Variants in CACNA2D1 observed in about 807,000 individuals in gnomAD.
CACNA2D1 encodes voltage-dependent calcium channel subunit alpha-2/delta-1.
Under a neutral mutation model 171.5 loss-of-function variants are expected in CACNA2D1, and 53 were observed. The ratio of observed to expected loss-of-function variants is 0.31; its 90% CI spans 0.25 to 0.39. The LOEUF is 0.39. Ranked by LOEUF, CACNA2D1 falls within the 10% of genes least tolerant of loss-of-function variation. The probability of loss-of-function intolerance (pLI) is 1.00; values close to 1 mark genes in which losing one functional copy is unlikely to be tolerated. For missense variants in CACNA2D1, 903 were observed against 1,299.8 expected, an observed-to-expected ratio of 0.69 and a Z score of 4.69; for synonymous variants, 442 against 443.1, an observed-to-expected ratio of 1.00 and a Z score of 0.03.
intron 15 of CACNA2D1, 38 bp downstream of exon 15, chr7:82,012,116 G>A: frequency 8.6e-7 from 1 of 1,160,498 alleles, no homozygotes; most frequent in African/African-American, 1.5e-5. Flanking sequence ...GTGTGCTTTT[G>A]TTATGACAGT....
At chr7:82,361,914 A>G (rs1055961705) in intron 1 of CACNA2D1, among the ~76,000 whole-genome samples, 17 of 152,286 alleles carry the variant, frequency 1.1e-4, no homozygotes, top group Admixed American at 1.0e-3. Context: ...TGTGAAATAA[A>G]CACTTTAAAA....
chr7:82,247,278 G>A (rs1350872223), intron 3 of CACNA2D1, among the ~76,000 whole-genome samples: 1 of 152,136 alleles, frequency 6.6e-6, no homozygotes, highest in African/African-American at 2.4e-5. Flanking sequence ...GGGAGGCTGA[G>A]GCGGGCAGAT....
chr7:82,013,696 G>C (rs111239175), intron 13 of CACNA2D1, among the ~76,000 whole-genome samples, 186 bp from the exon 14 acceptor site: 1 of 151,492 alleles, frequency 6.6e-6, no homozygotes, highest in Non-Finnish European at 1.5e-5. Context: ...AAACACACAG[G>C]CTTTGTGAAA....
intron 18 of CACNA2D1, among the ~76,000 whole-genome samples, chr7:82,003,324 A>G (rs936344345): frequency 2.0e-5 from 3 of 152,098 alleles, no homozygotes; most frequent in African/African-American, 7.2e-5. Context: ...ATATAAAGAT[A>G]TGCAAAGCTA....
At chr7:82,017,186 T>C (rs1800593599) in intron 12 of CACNA2D1, among the ~76,000 whole-genome samples, 1 of 152,076 alleles carries the variant, frequency 6.6e-6, no homozygotes, top group Non-Finnish European at 1.5e-5. Context: ...GAGCTTTCTA[T>C]AATGATCTTA....
At chr7:82,044,408 C>T (rs1476069602) in intron 10 of CACNA2D1, among the ~76,000 whole-genome samples, 1 of 152,160 alleles carries the variant, frequency 6.6e-6, no homozygotes, top group East Asian at 1.9e-4. Context: ...CTATTTCTGG[C>T]ATGTAAAATA....
At chr7:82,005,320 A>C (rs2130866224) in intron 18 of CACNA2D1, 103 bp downstream of exon 18, 1 of 755,066 alleles carries the variant, frequency 1.3e-6, no homozygotes, top group African/African-American at 1.7e-5. Context: ...CTGTACTTTG[A>C]TATTTAGTGT....
intron 2 of CACNA2D1, among the ~76,000 whole-genome samples, chr7:82,336,595 G>A (rs1472414699): frequency 6.6e-6 from 1 of 152,068 alleles, no homozygotes; most frequent in African/African-American, 2.4e-5. Flanking sequence ...CAGGAGTCCT[G>A]CATTTTACTG....
At chr7:82,081,977 T>C (rs1454415585) in intron 7 of CACNA2D1, among the ~76,000 whole-genome samples, 1 of 152,216 alleles carries the variant, frequency 6.6e-6, no homozygotes, top group Admixed American at 6.5e-5. Flanking sequence ...CATGGTGGAC[T>C]CTGGCACCTC....
chr7:82,003,862 C>T (rs111481865), intron 18 of CACNA2D1, among the ~76,000 whole-genome samples: 3,346 of 151,764 alleles, frequency 0.022, 50 homozygotes, highest in Non-Finnish European at 0.038. Flanking sequence ...CTCCCTGACT[C>T]AGCCTCCCAA....
intron 6 of CACNA2D1, among the ~76,000 whole-genome samples, chr7:82,108,420 C>T (rs188462241): frequency 6.6e-5 from 10 of 152,240 alleles, no homozygotes; most frequent in East Asian, 1.9e-4. Flanking sequence ...GATTGAGGCC[C>T]GCTTTTGTGA....
chr7:82,174,067 A>G (rs577545551), intron 3 of CACNA2D1, among the ~76,000 whole-genome samples: 3,556 of 139,770 alleles, frequency 0.025, 179 homozygotes, highest in African/African-American at 0.093. Flanking sequence ...AAAAAAAAAA[A>G]AGACACAAAA....
At position 82,226,970 on chromosome 7, in the gene CACNA2D1, A is replaced by G. The variant is rs1210060103; in HGVS notation, c.295-56361T>C. The stretch of plus-strand genomic sequence containing the variant: ...AAATATTAGAATTCCTATTTGCACA[A>G]GGACAAACAATGATTTTATATTACC... On this transcript the variant is annotated intron_variant, in intron 3 of 38. Coordinates refer to ENST00000356860, the MANE Select transcript of CACNA2D1 (RefSeq NM_000722.4). Among the ~76,000 whole-genome samples, 3 of 152,332 alleles carry G rather than the reference A, an allele frequency of 2.0e-5. No individual in the cohort carries two copies. The East Asian group carries it at 5.8e-4, about 29-fold the overall frequency.
chr7:82,184,019 A>T lies in CACNA2D1; in HGVS notation c.295-13410T>A, dbSNP rs538497043. On this transcript the variant is annotated intron_variant, in intron 3 of 38. Transcript: ENST00000356860. ...GTTATATTAATTTCCTTTTACCTTT[A>T]AATAATTTACCTTTGAGTTTAATTA... Among the ~76,000 whole-genome samples, 170 of 152,106 alleles carry T rather than the reference A, an allele frequency of 1.1e-3. 3 individuals are homozygous for T. In the South Asian group the frequency reaches 0.016, roughly 14 times the overall value.
intron 3 of CACNA2D1, among the ~76,000 whole-genome samples, chr7:82,271,540 G>T (rs1327351216): frequency 6.6e-6 from 1 of 151,882 alleles, no homozygotes; most frequent in Admixed American, 6.6e-5. Context: ...ATTGATTGTG[G>T]TTCTCAGACT....
chr7:82,203,049 C>G (rs1563197239), intron 3 of CACNA2D1, among the ~76,000 whole-genome samples: 1 of 152,114 alleles, frequency 6.6e-6, no homozygotes, highest in African/African-American at 2.4e-5. Flanking sequence ...CCGGTCCCCC[C>G]TAGGTGCTTC....
intron 9 of CACNA2D1, among the ~76,000 whole-genome samples, chr7:82,062,500 A>G (rs1335011774): frequency 6.6e-6 from 1 of 151,720 alleles, no homozygotes; most frequent in African/African-American, 2.4e-5. Context: ...GTGCTATGTC[A>G]TACTTTATAT....
At chr7:82,284,894 C>G (rs944400502) in intron 3 of CACNA2D1, among the ~76,000 whole-genome samples, 1 of 152,214 alleles carries the variant, frequency 6.6e-6, no homozygotes, top group East Asian at 1.9e-4. Context: ...CTTAACAAAA[C>G]TCAAATTTTT....
At chr7:82,260,174 A>T (rs1300658472) in intron 3 of CACNA2D1, among the ~76,000 whole-genome samples, 9 of 152,176 alleles carry the variant, frequency 5.9e-5, no homozygotes, top group Non-Finnish European at 1.2e-4. Flanking sequence ...CTGAGCCAAG[A>T]TCATAGCATT....
Sources: allele counts gnomAD v4.1 joint callset (sites outside exome capture counted in the v4.1 genomes callset), GRCh38; gene constraint gnomAD v4.1.1; transcripts MANE v1.5; gene names NCBI Gene and HGNC (gene_info 2026-07-23, HGNC 2026-07-21).